SLC44A5: variants seen among roughly 807,000 people sequenced by gnomAD.
The protein encoded by SLC44A5 is solute carrier family 44 member 5, also known as choline transporter-like protein 5.
Under a neutral mutation model 101.8 loss-of-function variants are expected in SLC44A5, and 57 were observed. The ratio of observed to expected loss-of-function variants is 0.56; its 90% CI spans 0.45 to 0.70. The LOEUF (loss-of-function observed/expected upper bound fraction) is 0.70, where lower values mean the gene tolerates loss of function less well. Among genes scored for constraint, SLC44A5 ranks in the 30% least tolerant of loss-of-function variants. The probability of loss-of-function intolerance (pLI) is 0.00; values close to 1 mark genes in which losing one functional copy is unlikely to be tolerated. For missense variants in SLC44A5, 737 were observed against 853.1 expected, an observed-to-expected ratio of 0.86 and a Z score of 1.70; for synonymous variants, 281 against 290.9, an observed-to-expected ratio of 0.97 and a Z score of 0.35.
chr1:75,504,525 T>C (rs765096731), intron 2 of SLC44A5, among the ~76,000 whole-genome samples: 1 of 152,152 alleles, frequency 6.6e-6, no homozygotes, highest in Admixed American at 6.5e-5. Context: ...TCAATCACTA[T>C]GCTAACCCCA....
At chr1:75,450,720 C>G (rs1665857498) in intron 2 of SLC44A5, among the ~76,000 whole-genome samples, 1 of 152,142 alleles carries the variant, frequency 6.6e-6, no homozygotes, top group South Asian at 2.1e-4. Flanking sequence ...GAAGTGGGGC[C>G]CTCTCCACCC....
chr1:75,720,977 A>T, the SLC44A5 span, among the ~76,000 whole-genome samples: 1 of 152,172 alleles, frequency 6.6e-6, no homozygotes, highest in African/African-American at 2.4e-5. Flanking sequence ...GTCTGGGTTA[A>T]GATTAAAGGA....
intron 4 of SLC44A5, among the ~76,000 whole-genome samples, chr1:75,302,186 C>T (rs1385370158): frequency 8.7e-6 from 1 of 115,338 alleles, no homozygotes; most frequent in Admixed American, 1.3e-4. Flanking sequence ...AGCAGGGTAT[C>T]TGTTTCACCT....
In SLC44A5 at chr1:75,219,860, T is replaced by C. The variant is rs200504981; in HGVS notation, c.1118A>G (p.Tyr373Cys). The change falls in exon 15 of 24, where the codon TAT becomes TGT. Residue 373 changes from tyrosine (Y) to cysteine (C), a missense_variant. Coordinates refer to ENST00000370859, the MANE Select transcript of SLC44A5 (RefSeq NM_001130058.2). Reference sequence around the variant, plus strand: ...GAGCAAAATGAAAGTTAAAGCTGGATAGACTAATGTACTAGGAACATATCC... The same window carrying C: ...GAGCAAAATGAAAGTTAAAGCTGGACAGACTAATGTACTAGGAACATATCC... ...AIGYVPSTLV[Y>C]PALTFILLSI... The C allele has an allele frequency of 1.2e-5, 20 of 1,612,226 alleles. No individual in the cohort carries two copies. In the East Asian group the frequency reaches 4.0e-4, roughly 32 times the overall value.
Position 75,396,633 on chromosome 1 carries a change from C to T in SLC44A5, c.14-12G>A, listed in dbSNP as rs1279705804. ...ATCTGCTGGTTTTTCTAGGAAAAAGCACAAAAGGCAAAAAAAATATTTGTA... is the reference window on the plus strand; with the variant it reads ...ATCTGCTGGTTTTTCTAGGAAAAAGTACAAAAGGCAAAAAAAATATTTGTA... On this transcript the variant is annotated splice_polypyrimidine_tract_variant and intron_variant, in intron 2 of 23. Coordinates refer to ENST00000370859, the MANE Select transcript of SLC44A5 (RefSeq NM_001130058.2). 3 of 1,610,506 alleles carry T rather than the reference C, an allele frequency of 1.9e-6. No homozygotes were observed. The highest frequency in any genetic ancestry group is 1.1e-5 in the South Asian group (1 of 91,030).
intron 2 of SLC44A5, among the ~76,000 whole-genome samples, chr1:75,519,419 A>G (rs541665308): frequency 6.6e-6 from 1 of 152,264 alleles, no homozygotes; most frequent in South Asian, 2.1e-4. Flanking sequence ...TTAGCCGGGC[A>G]TGGCGGCACA....
At chr1:75,254,056 T>A (rs1570478827) in intron 6 of SLC44A5, among the ~76,000 whole-genome samples, 3 of 151,918 alleles carry the variant, frequency 2.0e-5, no homozygotes, top group African/African-American at 7.3e-5. Context: ...TTTTTTTTTT[T>A]AGACGGTTTC....
At chr1:75,645,646 T>A in the SLC44A5 span, among the ~76,000 whole-genome samples, 1 of 150,888 alleles carries the variant, frequency 6.6e-6, no homozygotes, top group South Asian at 2.2e-4. Flanking sequence ...ATCCCATTTG[T>A]CAATTTTGGC....
At chr1:75,395,724 A>C (rs186770151) in intron 3 of SLC44A5, among the ~76,000 whole-genome samples, 7 of 152,286 alleles carry the variant, frequency 4.6e-5, no homozygotes, top group Admixed American at 4.6e-4. Context: ...CTATGTATAT[A>C]TACATTGTAG....
At chr1:75,416,999 T>C (rs1663692158) in intron 2 of SLC44A5, among the ~76,000 whole-genome samples, 2 of 152,126 alleles carry the variant, frequency 1.3e-5, no homozygotes, top group Non-Finnish European at 2.9e-5. Context: ...AACTTTTGAG[T>C]TGAAACGAGT....
Position 75,541,469 on chromosome 1 carries a change from C to A in SLC44A5, c.-22G>T. On this transcript the variant is annotated 5_prime_UTR_variant, in exon 2 of 24. Transcript: ENST00000370859. ...TCATTGAGATAAAAGGCTGTCTCTT[C>A]AGAAGTAGGCCTGAATCACTGCAAA... 3 of 1,611,516 alleles carry A rather than the reference C, an allele frequency of 1.9e-6. No homozygotes were observed. The highest frequency in any genetic ancestry group is 2.5e-6 in the Non-Finnish European group (3 of 1,178,418).
chr1:75,286,913 T>G (rs959806542), intron 5 of SLC44A5, among the ~76,000 whole-genome samples: 2 of 152,114 alleles, frequency 1.3e-5, no homozygotes, highest in Admixed American at 6.6e-5. Flanking sequence ...TTAGATAACC[T>G]GATGTATATG....
At chr1:75,693,734 G>A in the SLC44A5 span, among the ~76,000 whole-genome samples, 1 of 152,142 alleles carries the variant, frequency 6.6e-6, no homozygotes, top group African/African-American at 2.4e-5. Context: ...ATAGAGACCA[G>A]TGAGGTAGGA....
the SLC44A5 span, among the ~76,000 whole-genome samples, chr1:75,699,080 A>C: frequency 0.022 from 3,301 of 152,178 alleles, 122 homozygotes; most frequent in African/African-American, 0.075. Context: ...AAACACTCTG[A>C]AGGATATTAT....
chr1:75,484,486 C>A (rs1557836185), intron 2 of SLC44A5, among the ~76,000 whole-genome samples: 1 of 152,234 alleles, frequency 6.6e-6, no homozygotes, highest in Non-Finnish European at 1.5e-5. Flanking sequence ...CCTCAGACAG[C>A]TCCACTTCTG....
At chr1:75,698,717 G>A in the SLC44A5 span, among the ~76,000 whole-genome samples, 1 of 152,164 alleles carries the variant, frequency 6.6e-6, no homozygotes, top group African/African-American at 2.4e-5. Context: ...GCTACAGGAG[G>A]ACACTCAAAC....
chr1:75,444,568 TA>T (rs1665435100), intron 2 of SLC44A5, among the ~76,000 whole-genome samples: 1 of 150,808 alleles, frequency 6.6e-6, no homozygotes, highest in African/African-American at 2.4e-5. Flanking sequence ...ATTTTATTGT[TA>T]TTTTTGCTTT....
intron 2 of SLC44A5, among the ~76,000 whole-genome samples, chr1:75,512,481 G>A (rs1669618384): frequency 6.6e-6 from 1 of 152,058 alleles, no homozygotes; most frequent in South Asian, 2.1e-4. Context: ...GTCTGAAGTT[G>A]ATTTAGATAA....
At chr1:75,304,953 T>A (rs1487442622) in intron 4 of SLC44A5, among the ~76,000 whole-genome samples, 1 of 152,192 alleles carries the variant, frequency 6.6e-6, no homozygotes, top group Non-Finnish European at 1.5e-5. Flanking sequence ...CACCCCCATT[T>A]ATCACAGAGC....
Sources: gnomAD v4.1 joint callset for allele counts (sites outside exome capture counted in the v4.1 genomes callset) on GRCh38, gnomAD v4.1.1 for gene constraint, MANE v1.5 for transcripts, NCBI Gene and HGNC (gene_info 2026-07-23, HGNC 2026-07-21) for gene names.